GPHN: variants seen among roughly 807,000 people sequenced by gnomAD.
GPHN encodes gephyrin.
In GPHN, 17 loss-of-function variants were observed where a neutral mutation model predicts 95.5. That is an observed-to-expected ratio of 0.18 (90% confidence interval 0.12 to 0.27). GPHN has a LOEUF of 0.27. Ranked by LOEUF, GPHN falls within the 10% of genes least tolerant of loss-of-function variation. The pLI is 1.00. For missense variants in GPHN, 660 were observed against 978.1 expected (o/e 0.67, Z 4.34); for synonymous variants, 320 against 322.5 (o/e 0.99, Z 0.08).
intron 4 of GPHN, among the ~76,000 whole-genome samples, chr14:66,853,441 G>A (rs921949779): frequency 2.6e-5 from 4 of 152,196 alleles, no homozygotes; most frequent in African/African-American, 9.6e-5. Context: ...CTGAGACTGG[G>A]TAACTTATAA....
At chr14:66,972,313 TAG>T (rs1281556129) in intron 9 of GPHN, among the ~76,000 whole-genome samples, 1 of 143,246 alleles carries the variant, frequency 7.0e-6, no homozygotes, top group Non-Finnish European at 1.5e-5. Context: ...AAGCTAGAAA[TAG>T]TATTACTGGC....
chr14:67,191,596 C>T, the GPHN span, among the ~76,000 whole-genome samples: 2 of 152,158 alleles, frequency 1.3e-5, no homozygotes, highest in African/African-American at 4.8e-5. Context: ...AATAAAGGCA[C>T]CCCACCCCTA....
chr14:67,041,266 G>A (rs1310452502), intron 10 of GPHN, among the ~76,000 whole-genome samples: 3 of 151,154 alleles, frequency 2.0e-5, no homozygotes, highest in Non-Finnish European at 4.4e-5. Flanking sequence ...TGTGTAGAAG[G>A]TGCACTTTTT....
the GPHN span, among the ~76,000 whole-genome samples, chr14:67,337,172 C>CTT: frequency 6.6e-6 from 1 of 152,198 alleles, no homozygotes; most frequent in African/African-American, 2.4e-5. Flanking sequence ...GACCTGCTAT[C>CTT]TTATAGGAGA....
chr14:67,273,523 TGATG>T, the GPHN span, among the ~76,000 whole-genome samples: 1 of 152,224 alleles, frequency 6.6e-6, no homozygotes, highest in East Asian at 1.9e-4. Flanking sequence ...AGTCTATCAT[TGATG>T]GACATTTGGG....
At chr14:67,375,232 C>CTGTGTG in the GPHN span, among the ~76,000 whole-genome samples, 373 of 137,664 alleles carry the variant, frequency 2.7e-3, 2 homozygotes, top group East Asian at 0.011. Flanking sequence ...ATCCTCAGTT[C>CTGTGTG]TGTGTGTGTG....
the GPHN span, among the ~76,000 whole-genome samples, chr14:67,508,224 G>A: frequency 1.3e-5 from 2 of 151,454 alleles, no homozygotes; most frequent in African/African-American, 4.9e-5. Flanking sequence ...TTAGCTTCCA[G>A]TTTGACTTCT....
At chr14:67,733,046 C>T in the GPHN span, among the ~76,000 whole-genome samples, 12 of 152,128 alleles carry the variant, frequency 7.9e-5, no homozygotes, top group East Asian at 1.9e-4. Flanking sequence ...GGGTGCAGCA[C>T]ACCAACATGG....
chr14:66,970,531 T>C (rs1032418775), intron 9 of GPHN, among the ~76,000 whole-genome samples: 4 of 152,216 alleles, frequency 2.6e-5, no homozygotes, highest in African/African-American at 9.6e-5. Flanking sequence ...TTATGTGATA[T>C]GGCTAGGTCA....
the GPHN span, among the ~76,000 whole-genome samples, chr14:67,560,025 A>C: frequency 2.0e-5 from 3 of 151,764 alleles, no homozygotes; most frequent in Non-Finnish European, 4.4e-5. Flanking sequence ...TTTTATTTTT[A>C]TTTATTTATT....
intron 2 of GPHN, among the ~76,000 whole-genome samples, chr14:66,735,516 A>C (rs2072182732): frequency 6.6e-6 from 1 of 152,108 alleles, no homozygotes; most frequent in South Asian, 2.1e-4. Context: ...TTTTACTTTC[A>C]ATTTGTATCT....
intron 1 of GPHN, among the ~76,000 whole-genome samples, chr14:66,598,535 A>T (rs1294600560): frequency 6.6e-6 from 1 of 152,082 alleles, no homozygotes; most frequent in Non-Finnish European, 1.5e-5. Flanking sequence ...GTCCCTAAAA[A>T]CTGAAAAGCA....
intron 13 of GPHN, among the ~76,000 whole-genome samples, chr14:67,102,206 G>A (rs1595142186): frequency 6.6e-6 from 1 of 151,990 alleles, no homozygotes; most frequent in East Asian, 1.9e-4. Context: ...AATAGCATCT[G>A]TCAATCCGGT....
chr14:67,208,143 A>T, the GPHN span: 1 of 1,594,502 alleles, frequency 6.3e-7, no homozygotes, highest in Non-Finnish European at 8.5e-7. Flanking sequence ...TGTTCCACAA[A>T]CACCTATTAC....
At chr14:67,144,279 A>ATG (rs2080756097) in intron 18 of GPHN, among the ~76,000 whole-genome samples, 11 of 114,752 alleles carry the variant, frequency 9.6e-5, no homozygotes, top group African/African-American at 3.0e-4. Context: ...ATATATATAT[A>ATG]TATATATACA....
the GPHN span, chr14:67,343,396 TGTTG>T: frequency 6.2e-7 from 1 of 1,612,524 alleles, no homozygotes; most frequent in Non-Finnish European, 8.5e-7. Flanking sequence ...TTTACACGCC[TGTTG>T]GTTATCTTAA....
At chr14:67,232,318 C>T in the GPHN span, among the ~76,000 whole-genome samples, 4 of 152,134 alleles carry the variant, frequency 2.6e-5, no homozygotes, top group Non-Finnish European at 5.9e-5. Context: ...GAAACAGAGG[C>T]CAAGTCTTAT....
the GPHN span, chr14:67,576,282 C>A: frequency 1.5e-6 from 1 of 649,728 alleles, no homozygotes; most frequent in Non-Finnish European, 2.7e-6. This position sits in a 1 kb window ranked among gnomAD's most constrained non-coding sequence, Gnocchi z 4.0. Context: ...CTCATGCCAA[C>A]CAAACTAGCT....
the GPHN span, among the ~76,000 whole-genome samples, chr14:67,369,756 T>C: frequency 6.6e-6 from 1 of 152,224 alleles, no homozygotes; most frequent in East Asian, 1.9e-4. Flanking sequence ...CTTTAATTAC[T>C]TATATTAGAA....
Sources: gnomAD v4.1 joint callset for allele counts (sites outside exome capture counted in the v4.1 genomes callset) on GRCh38, gnomAD v4.1.1 for gene constraint, Gnocchi (gnomAD v3.1) non-coding constraint, MANE v1.5 for transcripts, NCBI Gene and HGNC (gene_info 2026-07-23, HGNC 2026-07-21) for gene names.